KCNQ1: variants seen among roughly 807,000 people sequenced by gnomAD.
KCNQ1 encodes potassium voltage-gated channel subfamily Q member 1.
KCNQ1 carries 49 observed loss-of-function variants against 72.4 expected under a neutral mutation model. The observed-to-expected ratio is 0.68, with a 90% CI of 0.54 to 0.86. The LOEUF is 0.86. KCNQ1 is among the 40% of genes least tolerant of loss of function. The pLI is 0.00. For synonymous variants in KCNQ1, 450 were observed against 412.6 expected, an observed-to-expected ratio of 1.09 and a Z score of -1.10; for missense variants, 790 against 945.1, an observed-to-expected ratio of 0.84 and a Z score of 2.15.
intron 1 of KCNQ1, among the ~76,000 whole-genome samples, chr11:2,518,238 G>A (rs1050616153): frequency 6.6e-6 from 1 of 152,252 alleles, no homozygotes; most frequent in Non-Finnish European, 1.5e-5. Flanking sequence ...CCATGAACTG[G>A]TGCAAGCCAG....
At position 2,682,045 on chromosome 11, in the gene KCNQ1, T is replaced by C. The variant is rs1330554579; in HGVS notation, c.1514+19964T>C. The C allele has an allele frequency of 7.5e-6, 3 of 398,522 alleles. No individual in the cohort carries two copies. Among genetic ancestry groups the C allele is most frequent in the Admixed American group, 4.4e-5 (1 of 22,720 alleles). The allele number at this position is 398,522 out of a possible 1,614,324, so 24.7% of individuals were successfully genotyped here. On this transcript the variant is annotated intron_variant, in intron 11 of 15. Coordinates refer to ENST00000155840, the MANE Select transcript of KCNQ1 (RefSeq NM_000218.3). This position sits in a 1 kb window ranked among gnomAD's most constrained non-coding sequence, Gnocchi z 5.8. ...CAAGAATATTATCACTCCTGTTTTA[T>C]AGATAATCTCCTAAGGGTTGAGGGA...
At position 2,691,302 on chromosome 11, in the gene KCNQ1, C is replaced by T. The variant is rs1850583994; in HGVS notation, c.1514+29221C>T. Reference sequence around the variant, plus strand: ...GGAAGGAGAGCTGACAAGAAAAAGGCGATGTCTCACCCCTGAGCTACAATC... The same window carrying T: ...GGAAGGAGAGCTGACAAGAAAAAGGTGATGTCTCACCCCTGAGCTACAATC... On this transcript the variant is annotated intron_variant, in intron 11 of 15. Transcript: ENST00000155840. The surrounding 1 kb of genome is among the most constrained non-coding windows in gnomAD (Gnocchi z 6.4). The T allele has an allele frequency of 1.0e-5, 4 of 398,476 alleles. No homozygotes were observed. The highest frequency in any genetic ancestry group is 1.3e-5 in the Non-Finnish European group (3 of 226,092). 24.7% of individuals were successfully genotyped at this position (398,476 alleles called of 1,614,324 possible). A position where few individuals can be genotyped will look rare whatever the true frequency, so the allele number is the denominator to read the frequency against.
chr11:2,799,375 A>AGTGTGTGTGTGTATGTGTGT lies in KCNQ1; in HGVS notation c.1794+21350_1794+21351insATGTGTGTGTGTGTGTGTGT, dbSNP rs3085903. Among the ~76,000 whole-genome samples the AGTGTGTGTGTGTATGTGTGT allele has an allele frequency of 7.0e-3, 1,035 of 147,386 alleles. 12 individuals are homozygous for AGTGTGTGTGTGTATGTGTGT. Among genetic ancestry groups the AGTGTGTGTGTGTATGTGTGT allele is most frequent in the African/African-American group, 0.025 (1,004 of 40,070 alleles). ...TTTAACTTCTGTAGCTGTAAGTTCG[A>AGTGTGTGTGTGTATGTGTGT]GTGTGTGTGTGTGTGTGTGTGTGTG... is the stretch of plus-strand genomic sequence containing the variant. On this transcript the variant is annotated intron_variant, in intron 15 of 15. Coordinates refer to ENST00000155840, the MANE Select transcript of KCNQ1 (RefSeq NM_000218.3).
In KCNQ1 at chr11:2,825,338, G is replaced by A. The variant is rs138997642; in HGVS notation, c.1795-22429G>A. Among the ~76,000 whole-genome samples, 16 of 152,336 alleles carry A rather than the reference G, an allele frequency of 1.1e-4. No individual in the cohort carries two copies. The East Asian group carries it at 2.9e-3, about 28-fold the overall frequency. On this transcript the variant is annotated intron_variant, in intron 15 of 15. Transcript: ENST00000155840. ...GGGAGGCCCGCAGCCCAGACCTTCC[G>A]AGCCCTCAGCCTGCTCAGCTCAGTG...
At position 2,768,370 on chromosome 11, in the gene KCNQ1, C is replaced by T. The variant is rs189772722; in HGVS notation, c.1515-474C>T. 6.1e-4 allele frequency among the ~76,000 whole-genome samples: 93 copies of T among 152,328 alleles called. No homozygotes were observed. The highest frequency in any genetic ancestry group is 9.6e-4 in the Non-Finnish European group (65 of 68,024). The stretch of plus-strand genomic sequence containing the variant: ...TGGCAACTTTCCCTTGTTAATTTGT[C>T]CTGTAGCCCCTACTTTCCCAAGCGC... On this transcript the variant is annotated intron_variant, in intron 11 of 15. Coordinates refer to ENST00000155840, the MANE Select transcript of KCNQ1 (RefSeq NM_000218.3). This position sits in a 1 kb window ranked among gnomAD's most constrained non-coding sequence, Gnocchi z 6.7.
Position 2,488,728 on chromosome 11 carries a change from TTC to T in KCNQ1, c.387-39194_387-39193del, listed in dbSNP as rs1439083194. Among the ~76,000 whole-genome samples the T allele has an allele frequency of 6.6e-6, 1 of 152,236 alleles. No homozygotes were observed. The highest frequency in any genetic ancestry group is 2.4e-5 in the African/African-American group (1 of 41,470). ...ATTTTCACTTCTGATTTCAGTAGTCTTCTCTCTTTTTTACTTAGTCCATCTAG... is the reference window on the plus strand; with the variant it reads ...ATTTTCACTTCTGATTTCAGTAGTCTTCTCTTTTTTACTTAGTCCATCTAG... On this transcript the variant is annotated intron_variant, in intron 1 of 15. Coordinates refer to ENST00000155840, the MANE Select transcript of KCNQ1 (RefSeq NM_000218.3). This position sits in a 1 kb window ranked among gnomAD's most constrained non-coding sequence, Gnocchi z 5.1.
chr11:2,688,628 C>T (rs1341086433), intron 11 of KCNQ1: 2 of 398,654 alleles, frequency 5.0e-6, no homozygotes, highest in Non-Finnish European at 8.8e-6. Flanking sequence ...CCTGGGTGAG[C>T]TCTGGACCTG....
chr11:2,759,101 TC>T lies in KCNQ1; in HGVS notation c.1515-9742del, dbSNP rs1370722743. On this transcript the variant is annotated intron_variant, in intron 11 of 15. Coordinates refer to ENST00000155840, the MANE Select transcript of KCNQ1 (RefSeq NM_000218.3). This position sits in a 1 kb window ranked among gnomAD's most constrained non-coding sequence, Gnocchi z 4.4. ...ACTCACGTAGAGGGCATACAGGACC[TC>T]TTGGTACTTTTTTTTTTTTTCCCAA... 4.9e-5 allele frequency among the ~76,000 whole-genome samples: 6 copies of T among 121,386 alleles called. No homozygotes were observed. The highest frequency in any genetic ancestry group is 9.9e-5 in the Non-Finnish European group (6 of 60,576). 79.6% of individuals were successfully genotyped at this position (121,386 alleles called of 152,430 possible).
At chr11:2,696,634 TA>T in intron 11 of KCNQ1, 1 of 398,654 alleles carries the variant, frequency 2.5e-6, no homozygotes, top group Non-Finnish European at 4.4e-6. Context: ...CTGTTGAACT[TA>T]ACAGATTTGG....
At position 2,540,000 on chromosome 11, in the gene KCNQ1, G is replaced by A. The variant is rs1243709057; in HGVS notation, c.477+11982G>A. Among the ~76,000 whole-genome samples the A allele has an allele frequency of 2.6e-5, 4 of 152,344 alleles. No homozygotes were observed. The East Asian group carries it at 7.7e-4, about 29-fold the overall frequency. On this transcript the variant is annotated intron_variant, in intron 2 of 15. Coordinates refer to ENST00000155840, the MANE Select transcript of KCNQ1 (RefSeq NM_000218.3). The stretch of plus-strand genomic sequence containing the variant: ...CACAACGGGACGGGCTGAGCAGGCC[G>A]GGCGCAGGCAGGCTTGGGGGAGCTG...
chr11:2,681,959 C>T, intron 11 of KCNQ1: 1 of 398,646 alleles, frequency 2.5e-6, no homozygotes, highest in Non-Finnish European at 4.4e-6. Flanking sequence ...ACTACTTACA[C>T]TTCCTGTTTG....
In KCNQ1 at chr11:2,712,812, G is replaced by A. The variant is rs1003160748; in HGVS notation, c.1514+50731G>A. 6.6e-6 allele frequency among the ~76,000 whole-genome samples: 1 copy of A among 152,210 alleles called. No homozygotes were observed. ...GACTCCCTCACAGCCTCTGGGTTGG[G>A]AGCACACATGGCATCTCCTAGAGAG... On this transcript the variant is annotated intron_variant, in intron 11 of 15. Coordinates refer to ENST00000155840, the MANE Select transcript of KCNQ1 (RefSeq NM_000218.3). This position sits in a 1 kb window ranked among gnomAD's most constrained non-coding sequence, Gnocchi z 6.4.
At chr11:2,472,153 G>A (rs1206312142) in intron 1 of KCNQ1, among the ~76,000 whole-genome samples, 18 of 150,988 alleles carry the variant, frequency 1.2e-4, no homozygotes, top group African/African-American at 4.4e-4. Flanking sequence ...TGTGTTTTAT[G>A]TATGGGTGTG....
At position 2,813,432 on chromosome 11, in the gene KCNQ1, G is replaced by C. The variant is rs1324220807; in HGVS notation, c.1795-34335G>C. Among the ~76,000 whole-genome samples, 1 of 151,638 alleles carries C rather than the reference G, an allele frequency of 6.6e-6. No individual in the cohort carries two copies. The highest frequency in any genetic ancestry group is 1.5e-5 in the Non-Finnish European group (1 of 67,988). ...AAACCCGCCTGCCCGTCAGTGCTTA[G>C]AGCAAATGCCCCTCCCCCGCCATCT... On this transcript the variant is annotated intron_variant, in intron 15 of 15. Transcript: ENST00000155840. The surrounding 1 kb of genome is among the most constrained non-coding windows in gnomAD (Gnocchi z 4.4).
intron 15 of KCNQ1, among the ~76,000 whole-genome samples, chr11:2,797,687 G>A (rs1050875512): frequency 1.1e-4 from 16 of 151,976 alleles, no homozygotes; most frequent in Non-Finnish European, 1.5e-4. Context: ...CTCCTCCCCC[G>A]GGCCCCGTAC....
Position 2,768,818 on chromosome 11 carries a change from A to C in KCNQ1, c.1515-26A>C, listed in dbSNP as rs377094128. On this transcript the variant is annotated intron_variant, in intron 11 of 15. Transcript: ENST00000155840. This position sits in a 1 kb window ranked among gnomAD's most constrained non-coding sequence, Gnocchi z 6.7. ...TGACCAGCACAGGGTGGCCACTCAC[A>C]ATCTCCTCTCCTCTCTCCACTGCAG... The C allele has an allele frequency of 1.9e-6, 3 of 1,605,396 alleles. No homozygotes were observed. The highest frequency in any genetic ancestry group is 2.7e-5 in the African/African-American group (2 of 74,704).
rs891222981 is a variant in KCNQ1, at chr11:2,659,625, G to A, written c.1394-2336G>A. 6 of 398,398 alleles carry A rather than the reference G, an allele frequency of 1.5e-5. No individual in the cohort carries two copies. Among genetic ancestry groups the A allele is most frequent in the Non-Finnish European group, 2.7e-5 (6 of 226,030 alleles). The allele number at this position is 398,398 out of a possible 1,614,324, so 24.7% of individuals were successfully genotyped here. Reference sequence around the variant, plus strand: ...AATTCACTTGGGTGGGAAAGGAACCGATAGGTCATGTGGTATGTGTATGTT... The same window carrying A: ...AATTCACTTGGGTGGGAAAGGAACCAATAGGTCATGTGGTATGTGTATGTT... On this transcript the variant is annotated intron_variant, in intron 10 of 15. Transcript: ENST00000155840. The surrounding 1 kb of genome is among the most constrained non-coding windows in gnomAD (Gnocchi z 4.3).
rs562982262 is a variant in KCNQ1 at position 2,791,814 on chromosome 11, G to A, written c.1794+13777G>A. ...CGCGCCGCTCCGGGCGGTGGGACCG[G>A]CTTCCTGCCCTGGCTCCGAGCCCGC... On this transcript the variant is annotated intron_variant, in intron 15 of 15. Transcript: ENST00000155840. Among the ~76,000 whole-genome samples the A allele has an allele frequency of 6.7e-3, 1,027 of 152,256 alleles. 6 individuals carry two copies. The highest frequency in any genetic ancestry group is 0.011 in the Non-Finnish European group (756 of 67,992).
intron 1 of KCNQ1, among the ~76,000 whole-genome samples, chr11:2,474,111 C>T (rs913538714): frequency 5.3e-5 from 8 of 152,018 alleles, no homozygotes; most frequent in African/African-American, 9.7e-5. Flanking sequence ...GTCTTTCTTT[C>T]GAAACAGGCT....
Sources: allele counts gnomAD v4.1 joint callset (sites outside exome capture counted in the v4.1 genomes callset), GRCh38; gene constraint gnomAD v4.1.1; non-coding constraint Gnocchi (gnomAD v3.1); transcripts MANE v1.5; gene names NCBI Gene and HGNC (gene_info 2026-07-23, HGNC 2026-07-21).